Variants in SIAH3 observed in about 807,000 individuals in gnomAD.
SIAH3 encodes seven in absentia homolog 3.
A neutral mutation model predicts 12.6 loss-of-function variants in SIAH3; 9 were observed. The observed-to-expected ratio is 0.72, with a 90% CI of 0.43 to 1.25. The LOEUF (loss-of-function observed/expected upper bound fraction) is 1.25. Among genes scored for constraint, SIAH3 ranks in the 50% most tolerant of loss-of-function variants. The pLI, the probability that SIAH3 is intolerant of heterozygous loss-of-function variation, is 0.00. For missense variants in SIAH3, 390 were observed against 365.4 expected, an observed-to-expected ratio of 1.07 and a Z score of -0.55; for synonymous variants, 154 against 151.1, an observed-to-expected ratio of 1.02 and a Z score of -0.14.
intron 1 of SIAH3, among the ~76,000 whole-genome samples, chr13:45,821,267 C>T (rs1344495283): frequency 6.6e-6 from 1 of 152,170 alleles, no homozygotes; most frequent in Non-Finnish European, 1.5e-5. Flanking sequence ...ATGGAATGCC[C>T]GAGGCTGCCA....
intron 1 of SIAH3, among the ~76,000 whole-genome samples, chr13:45,811,104 A>G (rs918208996): frequency 6.6e-6 from 1 of 152,228 alleles, no homozygotes; most frequent in African/African-American, 2.4e-5. Flanking sequence ...AACCTCTCAG[A>G]GTGTCATTTG....
At chr13:45,810,910 G>A (rs1052009883) in intron 1 of SIAH3, among the ~76,000 whole-genome samples, 3 of 152,194 alleles carry the variant, frequency 2.0e-5, no homozygotes, top group African/African-American at 7.2e-5. Context: ...GAGAAGAAAA[G>A]AGAATGTACT....
intron 1 of SIAH3, among the ~76,000 whole-genome samples, chr13:45,824,883 A>C (rs9534231): frequency 0.27 from 39,200 of 146,916 alleles, 5,935 homozygotes; most frequent in Admixed American, 0.4. Context: ...GTCTCAAAAA[A>C]AAAAACAAAA....
At chr13:45,847,770 C>T (rs1355658989) in intron 1 of SIAH3, among the ~76,000 whole-genome samples, 1 of 152,024 alleles carries the variant, frequency 6.6e-6, no homozygotes, top group Admixed American at 6.6e-5. Flanking sequence ...TACTATTCTT[C>T]TTTCAGAAAC....
At chr13:45,829,483 C>T (rs1950690898) in intron 1 of SIAH3, among the ~76,000 whole-genome samples, 7 of 152,114 alleles carry the variant, frequency 4.6e-5, no homozygotes, top group Admixed American at 4.6e-4. Flanking sequence ...GTGGTGTCAA[C>T]CTTTAGTCCC....
chr13:45,798,279 C>A (rs1000081178), intron 1 of SIAH3, among the ~76,000 whole-genome samples: 1 of 152,218 alleles, frequency 6.6e-6, no homozygotes, highest in African/African-American at 2.4e-5. Flanking sequence ...TGCTTTTCAG[C>A]AGGGCCCATT....
At chr13:45,808,528 G>C (rs1346911590) in intron 1 of SIAH3, among the ~76,000 whole-genome samples, 1 of 152,146 alleles carries the variant, frequency 6.6e-6, no homozygotes, top group Non-Finnish European at 1.5e-5. Flanking sequence ...AACAACGGCT[G>C]AATTGTAACT....
At chr13:45,800,702 C>CTAGG (rs1950578718) in intron 1 of SIAH3, among the ~76,000 whole-genome samples, 1 of 152,160 alleles carries the variant, frequency 6.6e-6, no homozygotes, top group African/African-American at 2.4e-5. Context: ...ATAGCTCTTG[C>CTAGG]TAGGAAGAGG....
intron 1 of SIAH3, among the ~76,000 whole-genome samples, chr13:45,840,016 G>A (rs749180776): frequency 5.9e-5 from 9 of 152,242 alleles, no homozygotes; most frequent in East Asian, 1.9e-4. Flanking sequence ...CCAGCACTTC[G>A]GGAGGCCGAG....
At chr13:45,839,606 G>C (rs975696687) in intron 1 of SIAH3, among the ~76,000 whole-genome samples, 1 of 152,202 alleles carries the variant, frequency 6.6e-6, no homozygotes, top group Admixed American at 6.5e-5. Context: ...GCCAAGGTGG[G>C]TGGATCACAA....
rs1950490269 is a variant in SIAH3 at position 45,777,994 on chromosome 13, G to A, written c.*5389C>T. 1 of 152,198 alleles carries A rather than the reference G, an allele frequency of 6.6e-6. No individual in the cohort carries two copies. Among genetic ancestry groups the A allele is most frequent in the Admixed American group, 6.5e-5 (1 of 15,278 alleles). The allele number at this position is 152,198 out of a possible 1,614,324, so 9.4% of individuals were successfully genotyped here. A position where few individuals can be genotyped will look rare whatever the true frequency, so the allele number is the denominator to read the frequency against. Reference sequence around the variant, plus strand: ...CCAGATTTAGAAAGAGTATTGGTCTGGGTAGGCTATGGATTGTGAACAGGG... The same window carrying A: ...CCAGATTTAGAAAGAGTATTGGTCTAGGTAGGCTATGGATTGTGAACAGGG... On this transcript the variant is annotated 3_prime_UTR_variant, in exon 2 of 2. Transcript: ENST00000400405.
Position 45,782,938 on chromosome 13 carries a change from C to G in SIAH3, c.*445G>C. On this transcript the variant is annotated 3_prime_UTR_variant, in exon 2 of 2. Coordinates refer to ENST00000400405, the MANE Select transcript of SIAH3 (RefSeq NM_198849.3). ...GAGCTGGGCCCCTTCCCCAACCTGC[C>G]GACTGCACACGTTCAGATTTAGCTT... is the stretch of plus-strand genomic sequence containing the variant. The G allele has an allele frequency of 6.6e-6, 1 of 152,396 alleles. No individual in the cohort carries two copies. Among genetic ancestry groups the G allele is most frequent in the East Asian group, 1.9e-4 (1 of 5,180 alleles). The allele number at this position is 152,396 out of a possible 1,614,324, so 9.4% of individuals were successfully genotyped here. A position where few individuals can be genotyped will look rare whatever the true frequency, so the allele number is the denominator to read the frequency against.
At chr13:45,828,942 T>A (rs1950688874) in intron 1 of SIAH3, among the ~76,000 whole-genome samples, 1 of 140,958 alleles carries the variant, frequency 7.1e-6, no homozygotes, top group African/African-American at 3.1e-5. Flanking sequence ...TTAACTCTAT[T>A]TTTTTTTTTG....
intron 1 of SIAH3, among the ~76,000 whole-genome samples, chr13:45,794,248 G>A (rs1950555469): frequency 6.6e-6 from 1 of 152,028 alleles, no homozygotes. Context: ...ACTGTAGACT[G>A]GGAATGGCCT....
At chr13:45,822,050 G>A (rs1167612807) in intron 1 of SIAH3, among the ~76,000 whole-genome samples, 1 of 152,156 alleles carries the variant, frequency 6.6e-6, no homozygotes, top group Non-Finnish European at 1.5e-5. Context: ...TGTGACATGT[G>A]TCCCCTGCTG....
chr13:45,828,875 A>C, intron 1 of SIAH3, among the ~76,000 whole-genome samples: 1 of 152,246 alleles, frequency 6.6e-6, no homozygotes, highest in East Asian at 1.9e-4. Flanking sequence ...GGAATCAGTC[A>C]GTGAAAACAA....
intron 1 of SIAH3, among the ~76,000 whole-genome samples, chr13:45,807,050 C>A (rs2137561493): frequency 6.6e-6 from 1 of 152,178 alleles, no homozygotes; most frequent in Middle Eastern, 3.4e-3. Flanking sequence ...CAATAATTTT[C>A]ACACTTTCAA....
At chr13:45,805,221 A>G (rs1950594871) in intron 1 of SIAH3, among the ~76,000 whole-genome samples, 1 of 152,182 alleles carries the variant, frequency 6.6e-6, no homozygotes, top group Non-Finnish European at 1.5e-5. Context: ...GAATTAGAAA[A>G]AAACTATTCT....
chr13:45,824,856 C>T (rs117278437), intron 1 of SIAH3, among the ~76,000 whole-genome samples: 4,355 of 149,492 alleles, frequency 0.029, 93 homozygotes, highest in Middle Eastern at 0.11. Flanking sequence ...CCAGCCTGGG[C>T]GACAGAGCGA....
Sources: gnomAD v4.1 joint callset for allele counts (sites outside exome capture counted in the v4.1 genomes callset) on GRCh38, gnomAD v4.1.1 for gene constraint, MANE v1.5 for transcripts, NCBI Gene and HGNC (gene_info 2026-07-23, HGNC 2026-07-21) for gene names.